Variants in CNNM4 observed in about 807,000 individuals in gnomAD.
The protein encoded by CNNM4 is metal transporter CNNM4.
CNNM4 carries 32 observed loss-of-function variants against 53.7 expected under a neutral mutation model. That is an observed-to-expected ratio of 0.60 (90% CI 0.45 to 0.80). The LOEUF (loss-of-function observed/expected upper bound fraction) is 0.80. CNNM4 is among the 30% of genes least tolerant of loss of function. The probability of loss-of-function intolerance (pLI) is 0.00; values close to 1 mark genes in which losing one functional copy is unlikely to be tolerated. For synonymous variants in CNNM4, 410 were observed against 440.0 expected, an observed-to-expected ratio of 0.93 and a Z score of 0.85; for missense variants, 784 against 1,022.0, an observed-to-expected ratio of 0.77 and a Z score of 3.17.
chr2:96,797,073 C>T lies in CNNM4; in HGVS notation c.1464C>T (p.Tyr488=), dbSNP rs377677542. ...VNNEGEGDPF[Y]EVLGLVTLED... The stretch of plus-strand genomic sequence containing the variant: ...ACGAGGGTGAGGGTGACCCCTTCTA[C>T]GAGGTCCTGGGCCTGGTCACCCTGG... The change falls in exon 2 of 7, where the codon TAC becomes TAT. Residue 488 remains tyrosine, a synonymous_variant. Transcript: ENST00000377075. This position sits in a 1 kb window ranked among gnomAD's most constrained non-coding sequence, Gnocchi z 6.0. 3.2e-5 allele frequency: 52 copies of T among 1,613,938 alleles called. No individual in the cohort carries two copies. The highest frequency in any genetic ancestry group is 1.7e-4 in the Middle Eastern group (1 of 6,050).
intron 1 of CNNM4, among the ~76,000 whole-genome samples, chr2:96,793,666 A>T (rs62152785): frequency 0.085 from 12,914 of 152,274 alleles, 603 homozygotes; most frequent in Middle Eastern, 0.16. Context: ...TGTTTCCACT[A>T]TAAGAGAGGC....
At chr2:96,778,621 T>TA (rs2078946623) in intron 1 of CNNM4, among the ~76,000 whole-genome samples, 1 of 151,956 alleles carries the variant, frequency 6.6e-6, no homozygotes, top group Non-Finnish European at 1.5e-5. Context: ...AGGATTGCCT[T>TA]AAAAATTTTT....
chr2:96,799,525 T>C (rs1428942570), intron 4 of CNNM4, 27 bp from the exon 5 acceptor site: 5 of 1,545,312 alleles, frequency 3.2e-6, no homozygotes, highest in Admixed American at 3.9e-5. Context: ...TCACTTGGTC[T>C]CTAACTCCAG....
At chr2:96,765,038 T>G (rs1226413637) in intron 1 of CNNM4, among the ~76,000 whole-genome samples, 26 of 103,520 alleles carry the variant, frequency 2.5e-4, no homozygotes, top group East Asian at 1.5e-3. Context: ...TTTTTTTTTT[T>G]TTTTTTTTTT....
At chr2:96,790,379 A>C (rs1371953257) in intron 1 of CNNM4, among the ~76,000 whole-genome samples, 2 of 142,622 alleles carry the variant, frequency 1.4e-5, no homozygotes, top group Non-Finnish European at 3.1e-5. Context: ...TTTGAGACAG[A>C]GTTTAACTCT....
At chr2:96,805,419 T>G (rs915673878) in intron 5 of CNNM4, among the ~76,000 whole-genome samples, 1 of 50,020 alleles carries the variant, frequency 2.0e-5, no homozygotes, top group Non-Finnish European at 3.3e-5. Context: ...TTCTTTTCAG[T>G]TTTTTTTTTT....
chr2:96,800,970 C>T lies in CNNM4; in HGVS notation c.1948+1322C>T. ...CTTTCTCCACTGGGCCCATCTCTGC[C>T]CAAAGCAGCCTGGCCCCGTCAGGTC... On this transcript the variant is annotated intron_variant, in intron 5 of 6. Coordinates refer to ENST00000377075, the MANE Select transcript of CNNM4 (RefSeq NM_020184.4). This position sits in a 1 kb window ranked among gnomAD's most constrained non-coding sequence, Gnocchi z 4.6. 1 of 383,638 alleles carries T rather than the reference C, an allele frequency of 2.6e-6. No homozygotes were observed. The highest frequency in any genetic ancestry group is 3.6e-6 in the Non-Finnish European group (1 of 280,166). The allele number at this position is 383,638 out of a possible 1,614,324, so 23.8% of individuals were successfully genotyped here.
chr2:96,781,114 G>A (rs1438070541), intron 1 of CNNM4, among the ~76,000 whole-genome samples: 1 of 151,264 alleles, frequency 6.6e-6, no homozygotes, highest in Non-Finnish European at 1.5e-5. Flanking sequence ...GAGTAGCTGG[G>A]ACTACAGGCA....
At chr2:96,770,311 G>A (rs937289682) in intron 1 of CNNM4, among the ~76,000 whole-genome samples, 1 of 152,188 alleles carries the variant, frequency 6.6e-6, no homozygotes, top group Non-Finnish European at 1.5e-5. Context: ...TGGTCAGGAC[G>A]GGAAGCACCG....
chr2:96,806,553 G>A (rs1248588807), intron 5 of CNNM4, among the ~76,000 whole-genome samples: 3 of 148,684 alleles, frequency 2.0e-5, no homozygotes, highest in Non-Finnish European at 3.0e-5. Flanking sequence ...GCGCGCGCGC[G>A]CCCTTAGTTA....
Position 96,797,740 on chromosome 2 carries a change from G to A in CNNM4, c.1681+93G>A. 6.5e-7 allele frequency: 1 copy of A among 1,546,618 alleles called. No individual in the cohort carries two copies. Among genetic ancestry groups the A allele is most frequent in the Non-Finnish European group, 8.8e-7 (1 of 1,141,730 alleles). ...GCTGCTTTCCCCCCATAGGACGAGG[G>A]CTGCAGCAGGTGAGGGGTGCAGAGA... On this transcript the variant is annotated intron_variant, in intron 3 of 6. Coordinates refer to ENST00000377075, the MANE Select transcript of CNNM4 (RefSeq NM_020184.4). This position sits in a 1 kb window ranked among gnomAD's most constrained non-coding sequence, Gnocchi z 6.0.
rs2079109897 is a variant in CNNM4, at chr2:96,797,016, G to A, written c.1407G>A (p.Lys469=). 1 of 1,612,858 alleles carries A rather than the reference G, an allele frequency of 6.2e-7. No individual in the cohort carries two copies. Among genetic ancestry groups the A allele is most frequent in the Non-Finnish European group, 8.5e-7 (1 of 1,179,984 alleles). Residue 469 remains lysine (K), a synonymous_variant, in exon 2 of 7, where the codon AAG becomes AAA. Coordinates refer to ENST00000377075, the MANE Select transcript of CNNM4 (RefSeq NM_020184.4). The surrounding 1 kb of genome is among the most constrained non-coding windows in gnomAD (Gnocchi z 6.0). ...ACTTGCTGCATTGTCCCACAGGGAAGTCCCACCTGGCCATCGTGCAGAAGG... is the reference window on the plus strand; with the variant it reads ...ACTTGCTGCATTGTCCCACAGGGAAATCCCACCTGGCCATCGTGCAGAAGG... ...DAMLEEFKKG[K]SHLAIVQKVN...
chr2:96,808,589 C>G lies in CNNM4; in HGVS notation c.1977C>G (p.Leu659=). Residue 659 remains leucine, a synonymous_variant, in exon 6 of 7, where the codon CTC becomes CTG. Coordinates refer to ENST00000377075, the MANE Select transcript of CNNM4 (RefSeq NM_020184.4). The surrounding 1 kb of genome is among the most constrained non-coding windows in gnomAD (Gnocchi z 4.9). Reference sequence around the variant, plus strand: ...GTTCCCCAGCACACCCCACCCCACTCAGCCGCTCAGCCTCCCTCAGTTACC... The same window carrying G: ...GTTCCCCAGCACACCCCACCCCACTGAGCCGCTCAGCCTCCCTCAGTTACC... ...SDRSPAHPTP[L]SRSASLSYPD... The G allele has an allele frequency of 6.2e-7, 1 of 1,614,120 alleles. No homozygotes were observed. The highest frequency in any genetic ancestry group is 8.5e-7 in the Non-Finnish European group (1 of 1,180,016).
chr2:96,786,111 A>G (rs2153347240), intron 1 of CNNM4, among the ~76,000 whole-genome samples: 1 of 152,022 alleles, frequency 6.6e-6, no homozygotes, highest in East Asian at 1.9e-4. Context: ...AAAAGATAAA[A>G]ATAATTTTTA....
At chr2:96,781,079 C>T (rs1312224474) in intron 1 of CNNM4, among the ~76,000 whole-genome samples, 31 of 145,254 alleles carry the variant, frequency 2.1e-4, no homozygotes, top group Admixed American at 3.5e-4. Context: ...CCCGGGTTCA[C>T]GCCATTCTCC....
chr2:96,793,985 A>G (rs939188957), intron 1 of CNNM4, among the ~76,000 whole-genome samples: 3 of 152,198 alleles, frequency 2.0e-5, no homozygotes, highest in Non-Finnish European at 2.9e-5. Context: ...AAATAAAAAC[A>G]GAGAGAGGCC....
At position 96,761,908 on chromosome 2, in the gene CNNM4, CCTT is replaced by C. The variant is rs1248692873; in HGVS notation, c.912_914del (p.Leu305del). 1.2e-6 allele frequency: 2 copies of C among 1,614,208 alleles called. No individual in the cohort carries two copies. Among genetic ancestry groups the C allele is most frequent in the South Asian group, 1.1e-5 (1 of 91,088 alleles). On this transcript the variant is annotated inframe_deletion, in exon 1 of 7. Transcript: ENST00000377075. The surrounding 1 kb of genome is among the most constrained non-coding windows in gnomAD (Gnocchi z 6.0). ...GGCTGGCTGTGGGTGCCAACACCAT[CCTT>C]CTCACCAAATTCTTTATGCTACTCA...
chr2:96,765,355 A>G (rs2078807073), intron 1 of CNNM4, among the ~76,000 whole-genome samples: 2 of 151,504 alleles, frequency 1.3e-5, no homozygotes, highest in Admixed American at 6.6e-5. Flanking sequence ...TGAACTCCCG[A>G]CCTCAGGTGA....
At position 96,797,579 on chromosome 2, in the gene CNNM4, C is replaced by A. The variant is rs771253370; in HGVS notation, c.1613C>A (p.Ala538Glu). ...CGTGACTTCTCTGCCTTCAAGGATG[C>A]GGACAATGAGCTCAAAGTGAAAATC... ...NKRDFSAFKD[A>E]DNELKVKISP... The change falls in exon 3 of 7, where the codon GCG (alanine) becomes GAG (glutamate). Residue 538 changes from alanine to glutamate, a missense_variant. Ala to Glu is a moderately radical substitution (Grantham distance 107). Around this residue, in one of 3 missense-constraint regions of CNNM4, gnomAD observed 307 missense variants for 376.3 expected, o/e 0.82. Transcript: ENST00000377075. This position sits in a 1 kb window ranked among gnomAD's most constrained non-coding sequence, Gnocchi z 6.0. 3 of 1,614,192 alleles carry A rather than the reference C, an allele frequency of 1.9e-6. No homozygotes were observed. Among genetic ancestry groups the A allele is most frequent in the South Asian group, 2.2e-5 (2 of 91,090 alleles).
Sources: allele counts gnomAD v4.1 joint callset (sites outside exome capture counted in the v4.1 genomes callset), GRCh38; gene constraint gnomAD v4.1.1; regional missense constraint gnomAD v4.1.1; non-coding constraint Gnocchi (gnomAD v3.1); transcripts MANE v1.5; gene names NCBI Gene and HGNC (gene_info 2026-07-23, HGNC 2026-07-21).